Variants in RBFOX1 observed in about 807,000 individuals in gnomAD.
RBFOX1 encodes the protein RNA binding protein fox-1 homolog 1.
RBFOX1 carries 8 observed loss-of-function variants against 57.7 expected under a neutral mutation model. That is an observed-to-expected ratio of 0.14 (90% CI 0.08 to 0.25). RBFOX1 has a LOEUF of 0.25. Ranked by LOEUF, RBFOX1 falls within the 10% of genes least tolerant of loss-of-function variation. RBFOX1 has a pLI of 1.00. For synonymous variants in RBFOX1, 326 were observed against 222.4 expected, an observed-to-expected ratio of 1.47 and a Z score of -4.15; for missense variants, 611 against 548.5, an observed-to-expected ratio of 1.11 and a Z score of -1.14.
chr16:6,372,533 T>A (rs1360390682), intron 2 of RBFOX1, among the ~76,000 whole-genome samples: 2 of 151,344 alleles, frequency 1.3e-5, no homozygotes, highest in African/African-American at 4.9e-5. Context: ...CTGGTTAGGA[T>A]CTTTGGGTAG....
chr16:5,901,033 A>G (rs1417683034), intron 4 of RBFOX1, among the ~76,000 whole-genome samples: 1 of 152,186 alleles, frequency 6.6e-6, no homozygotes, highest in African/African-American at 2.4e-5. Context: ...TTGCAGAGAT[A>G]CCTGCCTCCT....
At chr16:7,387,473 T>C (rs1021159267) in intron 4 of RBFOX1, among the ~76,000 whole-genome samples, 8 of 152,186 alleles carry the variant, frequency 5.3e-5, no homozygotes, top group African/African-American at 1.7e-4. Context: ...AGATGTACAA[T>C]AGCTGTCAGG....
intron 4 of RBFOX1, among the ~76,000 whole-genome samples, chr16:7,109,278 G>A (rs9940134): frequency 1.3e-5 from 2 of 152,078 alleles, no homozygotes; most frequent in Non-Finnish European, 2.9e-5. Context: ...CGTCTACAAA[G>A]GTTGCTATTC....
In RBFOX1 at chr16:7,205,631, C is replaced by T. The variant is rs569512572; in HGVS notation, c.27+153533C>T. Among the ~76,000 whole-genome samples, 140 of 152,230 alleles carry T rather than the reference C, an allele frequency of 9.2e-4. 1 individual carries two copies. The highest frequency in any genetic ancestry group is 3.4e-3 in the Middle Eastern group (1 of 294). On this transcript the variant is annotated intron_variant, in intron 4 of 15. Transcript: ENST00000550418. ...TTCTACAATCTGTGTTTACAAAATA[C>T]GATACATTTTAGAAACCAAAATTCC... is the stretch of plus-strand genomic sequence containing the variant.
intron 4 of RBFOX1, among the ~76,000 whole-genome samples, chr16:5,996,128 T>A (rs769755050): frequency 1.3e-5 from 2 of 152,174 alleles, no homozygotes; most frequent in Non-Finnish European, 2.9e-5. Context: ...CACCATCAAC[T>A]TTGGTGTTGG....
At chr16:7,308,587 T>G (rs766120198) in intron 4 of RBFOX1, among the ~76,000 whole-genome samples, 1 of 152,330 alleles carries the variant, frequency 6.6e-6, no homozygotes, top group Admixed American at 6.5e-5. Flanking sequence ...CCATGTGGTT[T>G]GTTTTAAGTA....
intron 5 of RBFOX1, among the ~76,000 whole-genome samples, chr16:7,578,500 T>G (rs2152827374): frequency 6.6e-6 from 1 of 152,296 alleles, no homozygotes; most frequent in African/African-American, 2.4e-5. Flanking sequence ...CCAGGGCTGA[T>G]GAGAAACTTG....
intron 3 of RBFOX1, among the ~76,000 whole-genome samples, chr16:5,787,212 T>G (rs2151720889): frequency 6.6e-6 from 1 of 152,244 alleles, no homozygotes; most frequent in African/African-American, 2.4e-5. Context: ...CACAGGGCCC[T>G]TTCACTGGGA....
At chr16:7,221,229 G>C (rs1020765243) in intron 4 of RBFOX1, among the ~76,000 whole-genome samples, 3 of 152,138 alleles carry the variant, frequency 2.0e-5, no homozygotes, top group Non-Finnish European at 4.4e-5. Context: ...AAAATAGTTT[G>C]TAAAGTGTTA....
intron 2 of RBFOX1, among the ~76,000 whole-genome samples, chr16:5,539,783 G>T (rs757241098): frequency 1.3e-5 from 2 of 152,136 alleles, no homozygotes; most frequent in Admixed American, 1.3e-4. Flanking sequence ...CTGCTTAGAT[G>T]CCTATTTTTT....
chr16:6,090,984 C>T (rs2096163617), intron 1 of RBFOX1, among the ~76,000 whole-genome samples: 1 of 152,222 alleles, frequency 6.6e-6, no homozygotes, highest in Non-Finnish European at 1.5e-5. Flanking sequence ...ACATCCCATG[C>T]ATGTGCAATG....
chr16:7,228,791 G>A (rs1325572559), intron 4 of RBFOX1, among the ~76,000 whole-genome samples: 1 of 152,130 alleles, frequency 6.6e-6, no homozygotes, highest in African/African-American at 2.4e-5. Flanking sequence ...AATTTATTTT[G>A]GGGGAAAATG....
At chr16:5,322,093 C>T (rs1243911212) in intron 1 of RBFOX1, among the ~76,000 whole-genome samples, 5 of 152,172 alleles carry the variant, frequency 3.3e-5, no homozygotes, top group African/African-American at 1.2e-4. Flanking sequence ...TAACCGGGAC[C>T]TGAACCCTGA....
At chr16:5,881,769 G>A (rs1382370312) in intron 4 of RBFOX1, among the ~76,000 whole-genome samples, 4 of 152,086 alleles carry the variant, frequency 2.6e-5, no homozygotes, top group African/African-American at 4.8e-5. Context: ...GACTTCATAC[G>A]CACTATTTCA....
intron 3 of RBFOX1, among the ~76,000 whole-genome samples, chr16:6,895,851 T>C (rs2153392370): frequency 6.6e-6 from 1 of 152,246 alleles, no homozygotes; most frequent in East Asian, 1.9e-4. Context: ...TGTTACCATG[T>C]GTAAAATGAA....
intron 2 of RBFOX1, 59 bp from the exon 3 acceptor site, chr16:6,654,544 G>A: frequency 1.5e-6 from 2 of 1,343,936 alleles, no homozygotes; most frequent in Non-Finnish European, 2.0e-6. Context: ...AATGTTCTCT[G>A]ACCATAAGTC....
At chr16:6,491,544 T>C (rs1335654295) in intron 2 of RBFOX1, among the ~76,000 whole-genome samples, 3 of 152,238 alleles carry the variant, frequency 2.0e-5, no homozygotes, top group African/African-American at 7.2e-5. Flanking sequence ...ATGTACTAGC[T>C]AATTGTTCAG....
intron 3 of RBFOX1, among the ~76,000 whole-genome samples, chr16:5,819,103 C>T (rs1032121581): frequency 3.3e-5 from 5 of 152,266 alleles, no homozygotes; most frequent in African/African-American, 1.2e-4. Flanking sequence ...TATAACAAAA[C>T]ACCACAGACT....
chr16:7,197,878 A>G (rs2087148416), intron 4 of RBFOX1, among the ~76,000 whole-genome samples: 1 of 152,220 alleles, frequency 6.6e-6, no homozygotes. Context: ...TCACAGAGAC[A>G]GAAAACAGAA....
Sources: allele counts gnomAD v4.1 joint callset (sites outside exome capture counted in the v4.1 genomes callset), GRCh38; gene constraint gnomAD v4.1.1; transcripts MANE v1.5; gene names NCBI Gene and HGNC (gene_info 2026-07-23, HGNC 2026-07-21).